The following SEPTIN9 variants were observed in gnomAD, a reference collection of about 807,000 sequenced individuals.
The protein encoded by SEPTIN9 is septin-9.
A neutral mutation model predicts 56.6 loss-of-function variants in SEPTIN9; 13 were observed. The observed-to-expected ratio is 0.23, with a 90% confidence interval of 0.15 to 0.37. SEPTIN9 has a LOEUF of 0.37. Ranked by LOEUF, SEPTIN9 falls within the 10% of genes least tolerant of loss-of-function variation. The pLI is 1.00. For synonymous variants in SEPTIN9, 332 were observed against 334.1 expected (o/e 0.99, Z 0.07); for missense variants, 650 against 823.1 (o/e 0.79, Z 2.57).
chr17:77,456,072 G>A lies in SEPTIN9; in HGVS notation c.722-26072G>A, dbSNP rs1410257278. On this transcript the variant is annotated intron_variant, in intron 3 of 11. Transcript: ENST00000427177. The surrounding 1 kb of genome is among the most constrained non-coding windows in gnomAD (Gnocchi z 6.0). ...GGATGGTGTCTTTTGTGCCTTGTGT[G>A]CTGGGGCCGGAGGAAACACTGCCCG... is the stretch of plus-strand genomic sequence containing the variant. Among the ~76,000 whole-genome samples the A allele has an allele frequency of 6.6e-6, 1 of 152,136 alleles. No homozygotes were observed. Among genetic ancestry groups the A allele is most frequent in the Non-Finnish European group, 1.5e-5 (1 of 68,024 alleles).
At chr17:77,380,012 T>C (rs1374052699) in intron 2 of SEPTIN9, 1 of 156,258 alleles carries the variant, frequency 6.4e-6, no homozygotes, top group East Asian at 1.7e-4. Flanking sequence ...TGGGAGGATT[T>C]GTCATCTCTC....
In SEPTIN9 at chr17:77,499,586, G is replaced by T; in HGVS notation, c.*928G>T. On this transcript the variant is annotated 3_prime_UTR_variant, in exon 12 of 12. Transcript: ENST00000427177. ...CGGGGGCACGTGTGGGCCGTGGCTTGGGCTGGTCAGAGTGGCGTGAGCTGC... is the reference window on the plus strand; with the variant it reads ...CGGGGGCACGTGTGGGCCGTGGCTTTGGCTGGTCAGAGTGGCGTGAGCTGC... The T allele has an allele frequency of 2.3e-6, 1 of 443,954 alleles. No individual in the cohort carries two copies. 27.5% of individuals were successfully genotyped at this position (443,954 alleles called of 1,614,324 possible).
intron 1 of SEPTIN9, among the ~76,000 whole-genome samples, chr17:77,300,993 C>T (rs1400366071): frequency 7.3e-5 from 10 of 136,574 alleles, no homozygotes; most frequent in Non-Finnish European, 1.1e-4. Flanking sequence ...TCAAAGTGCC[C>T]GCAACCCAGG....
intron 2 of SEPTIN9, among the ~76,000 whole-genome samples, chr17:77,345,620 G>A (rs533194016): frequency 6.6e-6 from 1 of 152,200 alleles, no homozygotes; most frequent in Admixed American, 6.5e-5. Context: ...GTCCCATTGG[G>A]CTAGAGCTGG....
intron 2 of SEPTIN9, among the ~76,000 whole-genome samples, chr17:77,397,774 C>T (rs2035769276): frequency 6.6e-6 from 1 of 152,138 alleles, no homozygotes; most frequent in African/African-American, 2.4e-5. Flanking sequence ...CTCAGCCTTC[C>T]AAGTAGCTGG....
At chr17:77,299,096 T>C (rs1184018206) in intron 1 of SEPTIN9, among the ~76,000 whole-genome samples, 1 of 152,222 alleles carries the variant, frequency 6.6e-6, no homozygotes, top group Non-Finnish European at 1.5e-5. Flanking sequence ...AGTTGTGGCA[T>C]GTGAAGCTGA....
rs536766608 is a variant in SEPTIN9 at position 77,434,905 on chromosome 17, C to T, written c.721+32202C>T. ...GCTGGAGGGAAGAGGGGAAAGGAGG[C>T]GCTGCAGGGGAGCAGAGACCTCACC... On this transcript the variant is annotated intron_variant, in intron 3 of 11. Coordinates refer to ENST00000427177, the MANE Select transcript of SEPTIN9 (RefSeq NM_001113491.2). The surrounding 1 kb of genome is among the most constrained non-coding windows in gnomAD (Gnocchi z 5.0). Among the ~76,000 whole-genome samples, 14 of 152,026 alleles carry T rather than the reference C, an allele frequency of 9.2e-5. No individual in the cohort carries two copies. Among genetic ancestry groups the T allele is most frequent in the African/African-American group, 1.9e-4 (8 of 41,384 alleles).
chr17:77,296,536 ACAGACAGG>A (rs2031821896), intron 1 of SEPTIN9, among the ~76,000 whole-genome samples: 1 of 152,218 alleles, frequency 6.6e-6, no homozygotes, highest in South Asian at 2.1e-4. Context: ...GCAGATAGAC[ACAGACAGG>A]CAGACAGACA....
rs181505797 is a variant in SEPTIN9 at position 77,334,586 on chromosome 17, A to G, written c.76+27389A>G. Among the ~76,000 whole-genome samples, 52 of 152,118 alleles carry G rather than the reference A, an allele frequency of 3.4e-4. 1 individual carries two copies. The highest frequency in any genetic ancestry group is 1.2e-3 in the African/African-American group (49 of 41,524). On this transcript the variant is annotated intron_variant, in intron 2 of 11. Transcript: ENST00000427177. Reference sequence around the variant, plus strand: ...ATGAGCAAGAGTATTTTGTTTTCATAAAGTCCAATTTATCAACTTTTTCCA... The same window carrying G: ...ATGAGCAAGAGTATTTTGTTTTCATGAAGTCCAATTTATCAACTTTTTCCA...
At chr17:77,474,293 A>G (rs1030704184) in intron 3 of SEPTIN9, among the ~76,000 whole-genome samples, 3 of 152,238 alleles carry the variant, frequency 2.0e-5, no homozygotes, top group Non-Finnish European at 4.4e-5. Context: ...TCAAGTAAGC[A>G]TCTGTGTCCT....
At position 77,314,649 on chromosome 17, in the gene SEPTIN9, C is replaced by G. The variant is rs191953967; in HGVS notation, c.76+7452C>G. 4.6e-5 allele frequency among the ~76,000 whole-genome samples: 7 copies of G among 152,336 alleles called. No individual in the cohort carries two copies. In the East Asian group the frequency reaches 1.4e-3, roughly 29 times the overall value. Reference sequence around the variant, plus strand: ...ATGCTTTCAGCCAAAGATGCGTTCTCTCCACCTCCGCGCAGCACCCTTCCC... The same window carrying G: ...ATGCTTTCAGCCAAAGATGCGTTCTGTCCACCTCCGCGCAGCACCCTTCCC... On this transcript the variant is annotated intron_variant, in intron 2 of 11. Transcript: ENST00000427177.
intron 10 of SEPTIN9, among the ~76,000 whole-genome samples, chr17:77,495,944 G>T (rs576578982): frequency 6.6e-5 from 10 of 152,178 alleles, no homozygotes; most frequent in Admixed American, 6.5e-4. Context: ...TCTGCATCCC[G>T]CTCCAGCCTT....
intron 3 of SEPTIN9, among the ~76,000 whole-genome samples, chr17:77,430,789 A>G (rs1261530649): frequency 6.6e-6 from 1 of 151,970 alleles, no homozygotes; most frequent in Non-Finnish European, 1.5e-5. Flanking sequence ...TCAGGAGTTC[A>G]AGACCAGGCT....
At position 77,377,156 on chromosome 17, in the gene SEPTIN9, G is replaced by T. The variant is rs963436111; in HGVS notation, c.77-24903G>T. On this transcript the variant is annotated intron_variant, in intron 2 of 11. Transcript: ENST00000427177. Reference sequence around the variant, plus strand: ...GGAGGCCGCCACGTAGCAGCAAGGAGAATGTTTTGTATTTGGCTGATGAGA... The same window carrying T: ...GGAGGCCGCCACGTAGCAGCAAGGATAATGTTTTGTATTTGGCTGATGAGA... The T allele has an allele frequency of 6.6e-5, 10 of 152,200 alleles. No individual in the cohort carries two copies. The East Asian group carries it at 1.7e-3, about 26-fold the overall frequency. 9.4% of individuals were successfully genotyped at this position (152,200 alleles called of 1,614,324 possible).
At chr17:77,482,085 G>C in intron 3 of SEPTIN9, 59 bp from the exon 4 acceptor site, 1 of 1,465,580 alleles carries the variant, frequency 6.8e-7, no homozygotes, top group Non-Finnish European at 9.1e-7. Flanking sequence ...CAACCACCTG[G>C]CAGGCGCCTG....
intron 2 of SEPTIN9, among the ~76,000 whole-genome samples, chr17:77,356,675 T>TC (rs2034258816): frequency 2.2e-4 from 5 of 22,484 alleles, no homozygotes; most frequent in Middle Eastern, 0.013. Flanking sequence ...TCCCTCCCCC[T>TC]CCCCTCCCCC....
chr17:77,305,412 G>A (rs1567983842), intron 1 of SEPTIN9, among the ~76,000 whole-genome samples: 1 of 152,070 alleles, frequency 6.6e-6, no homozygotes, highest in Non-Finnish European at 1.5e-5. Context: ...TCAGACCCTC[G>A]CAAGCAGAAG....
At chr17:77,338,657 G>A (rs1209655704) in intron 2 of SEPTIN9, among the ~76,000 whole-genome samples, 1 of 152,218 alleles carries the variant, frequency 6.6e-6, no homozygotes, top group Non-Finnish European at 1.5e-5. Flanking sequence ...GACCTCAGGT[G>A]ATCCACCTGC....
chr17:77,351,153 A>G (rs186469332), intron 2 of SEPTIN9, among the ~76,000 whole-genome samples: 15 of 151,944 alleles, frequency 9.9e-5, no homozygotes, highest in Admixed American at 9.2e-4. Context: ...GCCAGAAAGA[A>G]TTTCCGTGAG....
Sources: allele counts gnomAD v4.1 joint callset (sites outside exome capture counted in the v4.1 genomes callset), GRCh38; gene constraint gnomAD v4.1.1; non-coding constraint Gnocchi (gnomAD v3.1); transcripts MANE v1.5; gene names NCBI Gene and HGNC (gene_info 2026-07-23, HGNC 2026-07-21).